DTWD1: variants seen among roughly 807,000 people sequenced by gnomAD.
DTWD1 encodes the protein tRNA-uridine aminocarboxypropyltransferase 1.
A neutral mutation model predicts 30.2 loss-of-function variants in DTWD1; 27 were observed. That is an observed-to-expected ratio of 0.90 (90% confidence interval 0.66 to 1.23). The LOEUF (loss-of-function observed/expected upper bound fraction) is 1.23. Ranked by LOEUF, DTWD1 falls within the 50% of genes most tolerant of loss-of-function variation. DTWD1 has a pLI of 0.00. For missense variants in DTWD1, 342 were observed against 348.8 expected, an observed-to-expected ratio of 0.98 and a Z score of 0.15; for synonymous variants, 99 against 113.1, an observed-to-expected ratio of 0.88 and a Z score of 0.79.
chr15:49,633,962 TGTAA>T (rs1246422096), intron 3 of DTWD1, among the ~76,000 whole-genome samples: 1 of 152,310 alleles, frequency 6.6e-6, no homozygotes, highest in South Asian at 2.1e-4. Flanking sequence ...ACTTAGATAT[TGTAA>T]GTGTCTGTGT....
In DTWD1 at chr15:49,648,643, C is replaced by T. The variant is rs2079135125; in HGVS notation, c.*5065C>T. 6.6e-6 allele frequency: 1 copy of T among 152,124 alleles called. No homozygotes were observed. The highest frequency in any genetic ancestry group is 2.4e-5 in the African/African-American group (1 of 41,432). The allele number at this position is 152,124 out of a possible 1,614,324, so 9.4% of individuals were successfully genotyped here. A position where few individuals can be genotyped will look rare whatever the true frequency, so the allele number is the denominator to read the frequency against. ...TGACATTTTTTGTATTCCCTTGAGG[C>T]ACTGACAACTATAGTCTTATTTTAT... On this transcript the variant is annotated 3_prime_UTR_variant, in exon 5 of 5. Transcript: ENST00000403028.
At chr15:49,623,422 C>T (rs1352459895) in intron 1 of DTWD1, among the ~76,000 whole-genome samples, 1 of 149,106 alleles carries the variant, frequency 6.7e-6, no homozygotes, top group African/African-American at 2.6e-5. Context: ...GATCTCTTCC[C>T]AAGCTTTTTT....
At position 49,650,390 on chromosome 15, in the gene DTWD1, G is replaced by A. The variant is rs966663320; in HGVS notation, c.*6812G>A. On this transcript the variant is annotated 3_prime_UTR_variant, in exon 5 of 5. Coordinates refer to ENST00000403028, the MANE Select transcript of DTWD1 (RefSeq NM_001144955.2). ...ATAAAATAGGAAGATCAATTAGAAT[G>A]CTATTTCAGTAGTCCATTTGAGAGA... The A allele has an allele frequency of 3.9e-5, 6 of 152,126 alleles. No homozygotes were observed. Among genetic ancestry groups the A allele is most frequent in the African/African-American group, 1.4e-4 (6 of 41,436 alleles). 9.4% of individuals were successfully genotyped at this position (152,126 alleles called of 1,614,324 possible).
At chr15:49,634,510 T>C (rs2078974555) in intron 3 of DTWD1, 26 bp from the exon 4 acceptor site, 1 of 1,583,744 alleles carries the variant, frequency 6.3e-7, no homozygotes, top group Non-Finnish European at 8.6e-7. Context: ...AGTAGCACAC[T>C]GCTAACCCAA....
chr15:49,621,614 T>G (rs1316900140), intron 1 of DTWD1, among the ~76,000 whole-genome samples: 1 of 152,154 alleles, frequency 6.6e-6, no homozygotes, highest in Non-Finnish European at 1.5e-5. Context: ...CTAAATTATT[T>G]ATTGGGAATG....
chr15:49,629,803 C>T (rs1567736615), intron 2 of DTWD1: 3 of 152,194 alleles, frequency 2.0e-5, no homozygotes, highest in South Asian at 4.2e-4. Flanking sequence ...ATCATTGGGC[C>T]TAACTTATAA....
chr15:49,630,786 T>G (rs1216448951), intron 2 of DTWD1: 1 of 173,890 alleles, frequency 5.8e-6, no homozygotes, highest in Non-Finnish European at 1.3e-5. Context: ...AGAGGTGAGC[T>G]GCTGGAGAGC....
intron 3 of DTWD1, among the ~76,000 whole-genome samples, chr15:49,633,047 A>C (rs28542940): frequency 0.02 from 2,119 of 108,480 alleles, 29 homozygotes; most frequent in Middle Eastern, 0.045. Context: ...TTATATCTAT[A>C]TCTATATATA....
chr15:49,635,032 T>C (rs1172486045), intron 4 of DTWD1, among the ~76,000 whole-genome samples: 2 of 152,144 alleles, frequency 1.3e-5, no homozygotes, highest in Non-Finnish European at 2.9e-5. Flanking sequence ...AAATATTAAG[T>C]GTACATTTTC....
chr15:49,627,039 G>A, intron 2 of DTWD1: 2 of 200,956 alleles, frequency 1.0e-5, no homozygotes, highest in Non-Finnish European at 2.2e-5. Flanking sequence ...TTTATCCTAA[G>A]GTGTATTGTA....
intron 4 of DTWD1, among the ~76,000 whole-genome samples, chr15:49,642,060 C>G (rs2079071784): frequency 6.6e-6 from 1 of 152,034 alleles, no homozygotes; most frequent in Non-Finnish European, 1.5e-5. Flanking sequence ...TCCTCGAACT[C>G]CTGTTAGTCA....
intron 4 of DTWD1, among the ~76,000 whole-genome samples, chr15:49,641,360 A>G (rs918667715): frequency 1.3e-5 from 2 of 151,994 alleles, no homozygotes; most frequent in African/African-American, 4.8e-5. Flanking sequence ...TTCAAAGCCA[A>G]ACAATGTTTA....
chr15:49,642,054 C>T (rs1441428520), intron 4 of DTWD1, among the ~76,000 whole-genome samples: 2 of 152,062 alleles, frequency 1.3e-5, no homozygotes, highest in South Asian at 2.1e-4. Context: ...CTCTCTTCCT[C>T]GAACTCCTGT....
intron 2 of DTWD1, among the ~76,000 whole-genome samples, chr15:49,629,068 T>C (rs1387469292): frequency 2.0e-5 from 3 of 152,158 alleles, no homozygotes; most frequent in Admixed American, 1.3e-4. Flanking sequence ...CTCCCACTTA[T>C]GAGTGAGAAC....
chr15:49,643,672 G>T lies in DTWD1; in HGVS notation c.*94G>T. The stretch of plus-strand genomic sequence containing the variant: ...TTCTTAAGAAATAATCATATATAAT[G>T]CCTGTAAGACCATTTGAAAAAATTC... On this transcript the variant is annotated 3_prime_UTR_variant, in exon 5 of 5. Coordinates refer to ENST00000403028, the MANE Select transcript of DTWD1 (RefSeq NM_001144955.2). 7.3e-7 allele frequency: 1 copy of T among 1,363,096 alleles called. No individual in the cohort carries two copies. Among genetic ancestry groups the T allele is most frequent in the Non-Finnish European group, 9.9e-7 (1 of 1,014,476 alleles). 84.4% of individuals were successfully genotyped at this position (1,363,096 alleles called of 1,614,324 possible).
Position 49,654,469 on chromosome 15 carries a change from C to A in DTWD1, c.*10891C>A, listed in dbSNP as rs1160995831. 6.6e-6 allele frequency: 1 copy of A among 152,000 alleles called. No homozygotes were observed. The highest frequency in any genetic ancestry group is 2.4e-5 in the African/African-American group (1 of 41,412). The allele number at this position is 152,000 out of a possible 1,614,324, so 9.4% of individuals were successfully genotyped here. On this transcript the variant is annotated 3_prime_UTR_variant, in exon 5 of 5. Transcript: ENST00000403028. ...AGTAAGGTCTGGCAGTTTTCACTTT[C>A]ACTCTCCTGAACCTTCATATTAGAA...
At chr15:49,630,149 G>A (rs2078900443) in intron 2 of DTWD1, among the ~76,000 whole-genome samples, 1 of 152,212 alleles carries the variant, frequency 6.6e-6, no homozygotes, top group Non-Finnish European at 1.5e-5. Context: ...TATAGTGGCA[G>A]TGGATTACTG....
chr15:49,643,509 T>G lies in DTWD1; in HGVS notation c.846T>G (p.Ser282=). The change falls in exon 5 of 5, where the codon TCT becomes TCG. Residue 282 remains serine (S), a synonymous_variant. Coordinates refer to ENST00000403028, the MANE Select transcript of DTWD1 (RefSeq NM_001144955.2). ...GQYDNLLFFY[S]FMYQLIKNAK... ...ATGACAATCTTTTATTTTTCTATTC[T>G]TTTATGTACCAGTTGATAAAGAATG... 1 of 1,608,640 alleles carries G rather than the reference T, an allele frequency of 6.2e-7. No homozygotes were observed. Among genetic ancestry groups the G allele is most frequent in the Non-Finnish European group, 8.5e-7 (1 of 1,177,282 alleles).
At chr15:49,634,855 A>G (rs536934239) in intron 4 of DTWD1, 61 bp downstream of exon 4, 26 of 1,464,030 alleles carry the variant, frequency 1.8e-5, no homozygotes, top group Admixed American at 2.4e-5. Context: ...AAAAACTTCA[A>G]ACTTACAGAT....
Sources: gnomAD v4.1 joint callset for allele counts (sites outside exome capture counted in the v4.1 genomes callset) on GRCh38, gnomAD v4.1.1 for gene constraint, MANE v1.5 for transcripts, NCBI Gene and HGNC (gene_info 2026-07-23, HGNC 2026-07-21) for gene names.